Variants in AZIN2 observed in about 807,000 individuals in gnomAD.
The protein encoded by AZIN2 is antizyme inhibitor 2.
AZIN2 carries 28 observed loss-of-function variants against 47.8 expected under a neutral mutation model. The ratio of observed to expected loss-of-function variants is 0.59; its 90% CI spans 0.43 to 0.80. AZIN2 has a LOEUF of 0.80. Among genes scored for constraint, AZIN2 ranks in the 30% least tolerant of loss-of-function variants. The probability of loss-of-function intolerance (pLI) is 0.00; values close to 1 mark genes in which losing one functional copy is unlikely to be tolerated. For missense variants in AZIN2, 535 were observed against 582.5 expected (o/e 0.92, Z 0.84); for synonymous variants, 221 against 239.4 (o/e 0.92, Z 0.71).
chr1:33,114,895 C>T (rs990516980), intron 10 of AZIN2, among the ~76,000 whole-genome samples: 28 of 149,780 alleles, frequency 1.9e-4, no homozygotes, highest in African/African-American at 4.4e-4. Flanking sequence ...CGCCCGTGTC[C>T]GCCTCCTAAA....
chr1:33,155,513 C>T, the AZIN2 span, among the ~76,000 whole-genome samples: 1 of 152,090 alleles, frequency 6.6e-6, no homozygotes, highest in Admixed American at 6.5e-5. Flanking sequence ...TCCCCAGCCT[C>T]CTTCCTGGTG....
chr1:33,114,467 C>T (rs1198972525), intron 10 of AZIN2, among the ~76,000 whole-genome samples: 2 of 146,412 alleles, frequency 1.4e-5, no homozygotes, highest in African/African-American at 2.6e-5. Context: ...CATTCTCCTG[C>T]CTCAGCCTCC....
chr1:33,093,974 C>G (rs926893692), intron 7 of AZIN2, among the ~76,000 whole-genome samples: 3 of 152,182 alleles, frequency 2.0e-5, no homozygotes, highest in Non-Finnish European at 2.9e-5. Flanking sequence ...CTCAAGCAAT[C>G]CTTTTGCCTT....
At chr1:33,149,655 A>G in the AZIN2 span, among the ~76,000 whole-genome samples, 2 of 151,914 alleles carry the variant, frequency 1.3e-5, no homozygotes, top group African/African-American at 4.8e-5. Flanking sequence ...AGGTTTCGCA[A>G]TGTTGGCCAG....
At chr1:33,165,649 G>A in the AZIN2 span, 1 of 1,222,174 alleles carries the variant, frequency 8.2e-7, no homozygotes, top group Non-Finnish European at 1.1e-6. This position sits in a 1 kb window ranked among gnomAD's most constrained non-coding sequence, Gnocchi z 4.0. Flanking sequence ...AGGCGCTGGG[G>A]GTTAGCCTGG....
intron 5 of AZIN2, 128 bp downstream of exon 5, chr1:33,084,255 C>T: frequency 9.2e-7 from 1 of 1,084,718 alleles, no homozygotes; most frequent in Non-Finnish European, 1.3e-6. Flanking sequence ...GGGAAGACCA[C>T]CCACTCAGGA....
At chr1:33,158,540 T>G in the AZIN2 span, among the ~76,000 whole-genome samples, 1 of 152,328 alleles carries the variant, frequency 6.6e-6, no homozygotes, top group African/African-American at 2.4e-5. Flanking sequence ...CTCTAACCAT[T>G]CCCTCAGTCT....
chr1:33,161,559 C>T, the AZIN2 span, among the ~76,000 whole-genome samples: 1 of 152,054 alleles, frequency 6.6e-6, no homozygotes, highest in Non-Finnish European at 1.5e-5. This position sits in a 1 kb window ranked among gnomAD's most constrained non-coding sequence, Gnocchi z 4.3. Context: ...AGCCTCGCTG[C>T]GCATGCCCAC....
chr1:33,128,395 A>G (rs1644871657), downstream of AZIN2, among the ~76,000 whole-genome samples: 1 of 152,088 alleles, frequency 6.6e-6, no homozygotes, highest in African/African-American at 2.4e-5. Context: ...CAAAAAATTT[A>G]ACGTATTTAA....
intron 4 of AZIN2, chr1:33,083,556 C>T: frequency 3.1e-6 from 1 of 319,792 alleles, no homozygotes; most frequent in Non-Finnish European, 6.1e-6. Context: ...GAAGCATATG[C>T]AAATGCAGTG....
chr1:33,108,016 A>G (rs1158005523), intron 10 of AZIN2, among the ~76,000 whole-genome samples: 22 of 152,208 alleles, frequency 1.4e-4, no homozygotes. Context: ...TAAATAGCCA[A>G]AGTATCTTGG....
the AZIN2 span, among the ~76,000 whole-genome samples, chr1:33,138,500 A>T: frequency 6.6e-6 from 1 of 151,944 alleles, no homozygotes; most frequent in Non-Finnish European, 1.5e-5. Flanking sequence ...GTCTCTGCAA[A>T]ATTTCTTTTT....
intron 8 of AZIN2, 52 bp from the exon 9 acceptor site, chr1:33,096,655 A>G: frequency 1.2e-6 from 2 of 1,602,912 alleles, no homozygotes; most frequent in South Asian, 2.2e-5. Context: ...AGTCTTCAGC[A>G]TAAAGCCCAC....
At chr1:33,155,712 G>C in the AZIN2 span, among the ~76,000 whole-genome samples, 2 of 152,164 alleles carry the variant, frequency 1.3e-5, no homozygotes, top group Non-Finnish European at 2.9e-5. Flanking sequence ...CCACTTCTCA[G>C]GGAGAATTCA....
intron 8 of AZIN2, among the ~76,000 whole-genome samples, chr1:33,096,113 C>T (rs912661924): frequency 6.6e-6 from 1 of 152,184 alleles, no homozygotes. Flanking sequence ...TCTGGGATTA[C>T]AGGCATGAGC....
At chr1:33,154,373 C>T in the AZIN2 span, among the ~76,000 whole-genome samples, 1 of 152,238 alleles carries the variant, frequency 6.6e-6, no homozygotes, top group Non-Finnish European at 1.5e-5. Flanking sequence ...CTCGGAGAGG[C>T]AGTCCAGGCA....
the AZIN2 span, among the ~76,000 whole-genome samples, chr1:33,149,252 A>G: frequency 2.2e-4 from 33 of 152,324 alleles, no homozygotes; most frequent in South Asian, 4.1e-4. Context: ...TCCCAGGTTC[A>G]AGTGATTCTC....
At chr1:33,111,776 AT>A (rs1175165270) in intron 10 of AZIN2, among the ~76,000 whole-genome samples, 4 of 151,196 alleles carry the variant, frequency 2.6e-5, no homozygotes, top group African/African-American at 9.7e-5. Context: ...TAATTTTTGT[AT>A]TTTTTTTAGT....
chr1:33,141,171 C>G, the AZIN2 span, among the ~76,000 whole-genome samples: 1 of 152,042 alleles, frequency 6.6e-6, no homozygotes, highest in East Asian at 1.9e-4. Flanking sequence ...TTGCCCCCTC[C>G]TTCTCCTCTC....
Sources: gnomAD v4.1 joint callset for allele counts (sites outside exome capture counted in the v4.1 genomes callset) on GRCh38, gnomAD v4.1.1 for gene constraint, Gnocchi (gnomAD v3.1) non-coding constraint, MANE v1.5 for transcripts, NCBI Gene and HGNC (gene_info 2026-07-23, HGNC 2026-07-21) for gene names.